ORC1: variants seen among roughly 807,000 people sequenced by gnomAD.
ORC1 encodes the protein origin recognition complex, subunit 1 homolog.
A neutral mutation model predicts 98.9 loss-of-function variants in ORC1; 61 were observed. The ratio of observed to expected loss-of-function variants is 0.62; its 90% CI spans 0.50 to 0.76. The LOEUF (loss-of-function observed/expected upper bound fraction) is 0.76, where lower values mean the gene tolerates loss of function less well. ORC1 is among the 30% of genes least tolerant of loss of function. ORC1 has a pLI of 0.00. For synonymous variants in ORC1, 385 were observed against 406.9 expected, an observed-to-expected ratio of 0.95 and a Z score of 0.65; for missense variants, 979 against 1,072.2, an observed-to-expected ratio of 0.91 and a Z score of 1.21.
At chr1:52,399,809 TCACA>T (rs111460694) in intron 3 of ORC1, among the ~76,000 whole-genome samples, 155 of 146,104 alleles carry the variant, frequency 1.1e-3, no homozygotes, top group Middle Eastern at 3.5e-3. Flanking sequence ...TCTGTCACTG[TCACA>T]CACACACACA....
At chr1:52,384,760 CCA>C in intron 10 of ORC1, 39 bp from the exon 11 acceptor site, 1 of 1,538,200 alleles carries the variant, frequency 6.5e-7, no homozygotes, top group Non-Finnish European at 8.9e-7. Flanking sequence ...TAGGTCTCAG[CCA>C]GCCACTACAC....
At chr1:52,409,191 G>A (rs1397537591), upstream of ORC1, 4 of 153,712 alleles carry the variant, frequency 2.6e-5, no homozygotes, top group Non-Finnish European at 5.8e-5. Flanking sequence ...CTTCTACAAG[G>A]AGATTACTTA....
chr1:52,377,535 A>G (rs1282623777), intron 14 of ORC1, among the ~76,000 whole-genome samples: 3 of 152,086 alleles, frequency 2.0e-5, no homozygotes, highest in Non-Finnish European at 4.4e-5. Context: ...TTGGCCTCCC[A>G]AAGTGCTGGG....
At chr1:52,386,177 A>G (rs1647141582) in intron 8 of ORC1, among the ~76,000 whole-genome samples, 1 of 152,198 alleles carries the variant, frequency 6.6e-6, no homozygotes, top group African/African-American at 2.4e-5. Flanking sequence ...GTATAGTATC[A>G]GGATTTATAA....
intron 14 of ORC1, among the ~76,000 whole-genome samples, chr1:52,378,150 T>A (rs1042036939): frequency 1.3e-5 from 2 of 151,768 alleles, no homozygotes; most frequent in Admixed American, 1.3e-4. Context: ...ATAGAGACCA[T>A]CCTGGCTAAC....
In ORC1 at chr1:52,375,441, G is replaced by A. The variant is rs563101738; in HGVS notation, c.2292C>T (p.Ile764=). The part of the protein sequence containing the change: ...AVDEMFSSSY[I]TAIKNSSVLE... The stretch of plus-strand genomic sequence containing the variant: ...GTGGAGCATCTTACTTGATGGCCGT[G>A]ATGTATGATGATGAAAACATCTCAT... The change falls in exon 15 of 17, where the codon ATC becomes ATT. Residue 764 remains isoleucine, a synonymous_variant. Coordinates refer to ENST00000371568, the MANE Select transcript of ORC1 (RefSeq NM_004153.4). 3.5e-5 allele frequency: 57 copies of A among 1,614,114 alleles called. No individual in the cohort carries two copies. The South Asian group carries it at 5.3e-4, about 15-fold the overall frequency.
rs387906826 is a variant in ORC1, at chr1:52,397,707, T to C, written c.380A>G (p.Glu127Gly). Reference sequence around the variant, plus strand: ...TACCCGAACAAGGCCAATGATGGTCTCCGCATTAATGTTGCTGTCACAGGC... The same window carrying C: ...TACCCGAACAAGGCCAATGATGGTCCCCGCATTAATGTTGCTGTCACAGGC... ...YPACDSNINA[E>G]TIIGLVRVIP... The change falls in exon 4 of 17, where the codon GAG (glutamate) becomes GGG (glycine). Residue 127 changes from glutamate to glycine, a missense_variant. Physicochemically the swap from Glu to Gly is moderately conservative, Grantham distance 98 (BLOSUM62 -2). Coordinates refer to ENST00000371568, the MANE Select transcript of ORC1 (RefSeq NM_004153.4). The C allele has an allele frequency of 6.2e-7, 1 of 1,614,094 alleles. No homozygotes were observed. Among genetic ancestry groups the C allele is most frequent in the South Asian group, 1.1e-5 (1 of 91,086 alleles).
chr1:52,408,671 G>A (rs1279300204), upstream of ORC1: 2 of 1,614,130 alleles, frequency 1.2e-6, no homozygotes, highest in Non-Finnish European at 8.5e-7. Flanking sequence ...GAAAAATCAA[G>A]AGCCAGAACC....
At chr1:52,404,943 G>A (rs1647931298), upstream of ORC1, 9 of 1,587,292 alleles carry the variant, frequency 5.7e-6, no homozygotes, top group Admixed American at 1.8e-5. Context: ...GACCGAGCGC[G>A]GGTAGGACTA....
At chr1:52,391,523 T>G (rs1647211796) in intron 6 of ORC1, among the ~76,000 whole-genome samples, 1 of 152,062 alleles carries the variant, frequency 6.6e-6, no homozygotes, top group African/African-American at 2.4e-5. Flanking sequence ...TTGCAAACTA[T>G]GCATCCAACA....
rs780169538 is a variant in ORC1, at chr1:52,397,762, C to T, written c.325G>A (p.Ala109Thr). Residue 109 changes from alanine to threonine, a missense_variant, in exon 4 of 17, where the codon GCA becomes ACA. Coordinates refer to ENST00000371568, the MANE Select transcript of ORC1 (RefSeq NM_004153.4). The part of the protein sequence containing the change: ...KRHLLGRKPG[A>T]QEIFWYDYPA... The stretch of plus-strand genomic sequence containing the variant: ...TAATCATACCAGAATATTTCCTGTG[C>T]ACCAGGCTTCCGGCCCAACAAATGC... 5.6e-6 allele frequency: 9 copies of T among 1,614,076 alleles called. No homozygotes were observed. The highest frequency in any genetic ancestry group is 1.6e-4 in the Middle Eastern group (1 of 6,084).
chr1:52,379,911 G>T (rs752369318), intron 14 of ORC1, among the ~76,000 whole-genome samples: 1 of 152,006 alleles, frequency 6.6e-6, no homozygotes, highest in South Asian at 2.1e-4. Context: ...CCAGCCTGGC[G>T]ACAGAGTGAG....
intron 8 of ORC1, 27 bp downstream of exon 8, chr1:52,388,415 T>C: frequency 3.2e-6 from 5 of 1,580,890 alleles, no homozygotes; most frequent in Non-Finnish European, 4.3e-6. Flanking sequence ...GATGCTTCAA[T>C]GGGAAGTAAA....
chr1:52,392,556 GT>G (rs1647240713), intron 6 of ORC1, among the ~76,000 whole-genome samples: 1 of 152,038 alleles, frequency 6.6e-6, no homozygotes, highest in Non-Finnish European at 1.5e-5. Context: ...CCACTCCTGG[GT>G]ATCTACCCAA....
At chr1:52,408,202 T>A (rs1648053220), upstream of ORC1, 2 of 362,184 alleles carry the variant, frequency 5.5e-6, no homozygotes, top group Middle Eastern at 2.0e-3. Flanking sequence ...ATCGTGCCAC[T>A]GCACTGCAGC....
chr1:52,389,727 A>G (rs1171160029), intron 6 of ORC1, among the ~76,000 whole-genome samples: 2 of 152,240 alleles, frequency 1.3e-5, no homozygotes, highest in South Asian at 2.1e-4. Context: ...ATTATGGAAC[A>G]GGTGCTGAAG....
rs955557274 is a variant in ORC1, at chr1:52,384,547, T to C, written c.1755+3A>G. 4 of 1,613,934 alleles carry C rather than the reference T, an allele frequency of 2.5e-6. No homozygotes were observed. The highest frequency in any genetic ancestry group is 3.4e-6 in the Non-Finnish European group (4 of 1,179,900). On this transcript the variant is annotated splice_donor_region_variant and intron_variant, in intron 11 of 16. Coordinates refer to ENST00000371568, the MANE Select transcript of ORC1 (RefSeq NM_004153.4). ...TCCAAAAAGCCTAAACAGCTCTGCT[T>C]ACCTGCAAGATTTGCACATAGACTT...
chr1:52,396,443 A>G, intron 4 of ORC1, 79 bp from the exon 5 acceptor site: 2 of 1,568,376 alleles, frequency 1.3e-6, no homozygotes, highest in Non-Finnish European at 1.7e-6. Context: ...AGCTACAATT[A>G]AAAACATTGA....
At chr1:52,380,455 G>A (rs562377492) in intron 14 of ORC1, among the ~76,000 whole-genome samples, 7 of 152,226 alleles carry the variant, frequency 4.6e-5, no homozygotes, top group Non-Finnish European at 1.0e-4. Flanking sequence ...CAGCACTTTG[G>A]GAGGCCAAGG....
Sources: allele counts gnomAD v4.1 joint callset (sites outside exome capture counted in the v4.1 genomes callset), GRCh38; gene constraint gnomAD v4.1.1; transcripts MANE v1.5; gene names NCBI Gene and HGNC (gene_info 2026-07-23, HGNC 2026-07-21).